Variants in SLC37A1 observed in about 807,000 individuals in gnomAD.
The protein encoded by SLC37A1 is solute carrier family 37 member 1, also known as glucose-6-phosphate exchanger SLC37A1.
Under a neutral mutation model 75.3 loss-of-function variants are expected in SLC37A1, and 49 were observed. The observed-to-expected ratio is 0.65, with a 90% CI of 0.52 to 0.83. The LOEUF (loss-of-function observed/expected upper bound fraction) is 0.83. Ranked by LOEUF, SLC37A1 falls within the 40% of genes least tolerant of loss-of-function variation. The pLI, the probability that SLC37A1 is intolerant of heterozygous loss-of-function variation, is 0.00. For synonymous variants in SLC37A1, 268 were observed against 292.1 expected (o/e 0.92, Z 0.84); for missense variants, 566 against 695.0 (o/e 0.81, Z 2.09).
intron 2 of SLC37A1, among the ~76,000 whole-genome samples, chr21:42,523,576 G>A (rs900839391): frequency 2.0e-5 from 3 of 152,256 alleles, no homozygotes; most frequent in Admixed American, 6.5e-5. Context: ...GACAGAGGCC[G>A]GGGCTTCTGG....
chr21:42,577,640 G>A lies in SLC37A1; in HGVS notation c.1522-2096G>A, dbSNP rs140782617. 1.4e-3 allele frequency among the ~76,000 whole-genome samples: 217 copies of A among 152,238 alleles called. 3 individuals carry two copies. Among genetic ancestry groups the A allele is most frequent in the African/African-American group, 4.7e-3 (195 of 41,518 alleles). On this transcript the variant is annotated intron_variant, in intron 18 of 19. Transcript: ENST00000352133. ...TAATCTAAGAGAACCTAGGGTCAGG[G>A]GAAGCATAGAAAAAAACAGGGTAAA... is the stretch of plus-strand genomic sequence containing the variant.
At chr21:42,568,055 C>A (rs2056025004) in intron 16 of SLC37A1, among the ~76,000 whole-genome samples, 1 of 152,286 alleles carries the variant, frequency 6.6e-6, no homozygotes, top group Admixed American at 6.5e-5. Flanking sequence ...CACCTTCACG[C>A]CTCTCACGCT....
rs2055737675 is a variant in SLC37A1, at chr21:42,558,124, A to C, written c.850-834A>C. Among the ~76,000 whole-genome samples, 3 of 151,998 alleles carry C rather than the reference A, an allele frequency of 2.0e-5. No individual in the cohort carries two copies. In the South Asian group the frequency reaches 6.2e-4, roughly 32 times the overall value. ...ATTCCACTATTTTTTTTTAGGTCTT[A>C]CTGTGTGGCCCAGGCTAAGATTATT... On this transcript the variant is annotated intron_variant, in intron 10 of 19. Coordinates refer to ENST00000352133, the MANE Select transcript of SLC37A1 (RefSeq NM_001320537.2).
chr21:42,546,493 T>C (rs1269147659), intron 8 of SLC37A1, among the ~76,000 whole-genome samples: 2 of 152,236 alleles, frequency 1.3e-5, no homozygotes, highest in Non-Finnish European at 2.9e-5. Flanking sequence ...GTCCTCTGAA[T>C]GAGAGTCGTG....
intron 8 of SLC37A1, 111 bp downstream of exon 8, chr21:42,543,713 C>A (rs2055340433): frequency 9.3e-7 from 1 of 1,074,180 alleles, no homozygotes; most frequent in Non-Finnish European, 1.3e-6. Flanking sequence ...GCCCTGTTTG[C>A]CCGTGGCTGC....
rs138732018 is a variant in SLC37A1, at chr21:42,549,178, C to CA, written c.768+2039dup. Among the ~76,000 whole-genome samples, 1,378 of 152,304 alleles carry CA rather than the reference C, an allele frequency of 9.0e-3. 23 individuals carry two copies. Among genetic ancestry groups the CA allele is most frequent in the African/African-American group, 0.031 (1,292 of 41,562 alleles). On this transcript the variant is annotated intron_variant, in intron 9 of 19. Transcript: ENST00000352133. Reference sequence around the variant, plus strand: ...TCTTGAGACTGGGGAGAACTTCGCACACACCTTCCGCCCTGGAACACCTTC... The same window carrying CA: ...TCTTGAGACTGGGGAGAACTTCGCACAACACCTTCCGCCCTGGAACACCTTC...
intron 18 of SLC37A1, chr21:42,575,388 C>A (rs971589257): frequency 1.0e-6 from 1 of 985,328 alleles, no homozygotes; most frequent in East Asian, 1.1e-4. Flanking sequence ...CGGGAGCGGC[C>A]CCAACTTCTT....
chr21:42,549,690 A>G (rs1192266200), intron 9 of SLC37A1, among the ~76,000 whole-genome samples: 2 of 152,194 alleles, frequency 1.3e-5, no homozygotes, highest in Admixed American at 6.5e-5. Context: ...CCAATGTCCC[A>G]TCAGCTGCTG....
intron 3 of SLC37A1, among the ~76,000 whole-genome samples, chr21:42,530,595 T>TACAC (rs71190427): frequency 0.021 from 2,128 of 102,880 alleles, 53 homozygotes; most frequent in East Asian, 0.055. Flanking sequence ...ATGCAGATGA[T>TACAC]ACACACACAC....
intron 17 of SLC37A1, among the ~76,000 whole-genome samples, chr21:42,570,976 A>T (rs1263024794): frequency 2.0e-5 from 3 of 152,168 alleles, no homozygotes; most frequent in Non-Finnish European, 4.4e-5. Flanking sequence ...GCCCACCTTG[A>T]TGGCTGCTGC....
At chr21:42,551,926 T>C (rs2055569134) in intron 9 of SLC37A1, among the ~76,000 whole-genome samples, 2 of 152,230 alleles carry the variant, frequency 1.3e-5, no homozygotes, top group South Asian at 2.1e-4. Context: ...TTTGAGGCTT[T>C]GCTGACCTTG....
At chr21:42,530,254 TAAAC>T (rs2054913787) in intron 3 of SLC37A1, among the ~76,000 whole-genome samples, 1 of 152,162 alleles carries the variant, frequency 6.6e-6, no homozygotes, top group African/African-American at 2.4e-5. Flanking sequence ...TTTTGAGAAG[TAAAC>T]AATGACCAAG....
chr21:42,573,131 G>T (rs1190676830), intron 17 of SLC37A1, among the ~76,000 whole-genome samples: 3 of 152,146 alleles, frequency 2.0e-5, no homozygotes, highest in Admixed American at 6.5e-5. Flanking sequence ...CCTGCACTGG[G>T]CTTAGTGTCC....
chr21:42,546,665 C>T (rs1020689021), intron 8 of SLC37A1, among the ~76,000 whole-genome samples: 1 of 152,228 alleles, frequency 6.6e-6, no homozygotes, highest in East Asian at 1.9e-4. Context: ...GGCCGAGTGA[C>T]TGGGGACAGG....
At chr21:42,532,223 C>T (rs966704444) in intron 3 of SLC37A1, among the ~76,000 whole-genome samples, 11 of 152,170 alleles carry the variant, frequency 7.2e-5, no homozygotes, top group Admixed American at 3.3e-4. Context: ...AACTTTTCTG[C>T]TTATTTATGA....
chr21:42,536,682 G>T (rs2055145342), intron 5 of SLC37A1, among the ~76,000 whole-genome samples: 1 of 152,252 alleles, frequency 6.6e-6, no homozygotes, highest in Non-Finnish European at 1.5e-5. Flanking sequence ...GCCCCTGTGA[G>T]ATGGGTTAGC....
chr21:42,530,715 G>A (rs1308003832), intron 3 of SLC37A1, among the ~76,000 whole-genome samples: 1 of 150,528 alleles, frequency 6.6e-6, no homozygotes, highest in African/African-American at 2.4e-5. Flanking sequence ...CCTCCAGGGG[G>A]ATTCAGTGAG....
rs574011871 is a variant in SLC37A1, at chr21:42,525,133, G to A, written c.57-643G>A. Among the ~76,000 whole-genome samples the A allele has an allele frequency of 2.6e-5, 4 of 152,348 alleles. No homozygotes were observed. The South Asian group carries it at 8.3e-4, about 32-fold the overall frequency. ...GTGGAGCCCTGGCGAGGGCACAGCA[G>A]CTCCGAGCTCCCTGCCCCATACCTC... On this transcript the variant is annotated intron_variant, in intron 2 of 19. Coordinates refer to ENST00000352133, the MANE Select transcript of SLC37A1 (RefSeq NM_001320537.2).
intron 18 of SLC37A1, among the ~76,000 whole-genome samples, chr21:42,577,044 A>G (rs550962159): frequency 1.3e-4 from 20 of 152,246 alleles, no homozygotes; most frequent in Non-Finnish European, 2.8e-4. Flanking sequence ...AGATTCAGGA[A>G]TCAAATGACT....
Sources: allele counts gnomAD v4.1 joint callset (sites outside exome capture counted in the v4.1 genomes callset), GRCh38; gene constraint gnomAD v4.1.1; transcripts MANE v1.5; gene names NCBI Gene and HGNC (gene_info 2026-07-23, HGNC 2026-07-21).